The following ACBD5 variants were observed in gnomAD, a reference collection of about 807,000 sequenced individuals.
ACBD5 encodes acyl-CoA-binding domain-containing protein 5.
In ACBD5, 40 loss-of-function variants were observed where a neutral mutation model predicts 71.8. The ratio of observed to expected loss-of-function variants is 0.56; its 90% CI spans 0.43 to 0.72. The LOEUF (loss-of-function observed/expected upper bound fraction) is 0.72, where lower values mean the gene tolerates loss of function less well. ACBD5 is among the 30% of genes least tolerant of loss of function. The probability of loss-of-function intolerance (pLI) is 0.00; values close to 1 mark genes in which losing one functional copy is unlikely to be tolerated. For missense variants in ACBD5, 559 were observed against 644.5 expected, an observed-to-expected ratio of 0.87 and a Z score of 1.44; for synonymous variants, 229 against 218.6, an observed-to-expected ratio of 1.05 and a Z score of -0.42.
chr10:27,189,033 AG>A (rs2136326427), intron 13 of ACBD5, among the ~76,000 whole-genome samples: 1 of 152,344 alleles, frequency 6.6e-6, no homozygotes, highest in South Asian at 2.1e-4. Flanking sequence ...GCCCAAAGGC[AG>A]GATATAACTT....
chr10:27,191,466 A>C (rs548299572), downstream of ACBD5, among the ~76,000 whole-genome samples: 28 of 152,316 alleles, frequency 1.8e-4, no homozygotes, highest in Admixed American at 7.9e-4. Flanking sequence ...CAGATGAAAC[A>C]AATGTACCAC....
chr10:27,240,599 C>T lies in ACBD5; in HGVS notation c.15+75G>A. On this transcript the variant is annotated intron_variant, in intron 1 of 12. Transcript: ENST00000396271. The surrounding 1 kb of genome is among the most constrained non-coding windows in gnomAD (Gnocchi z 4.1). ...ATCCAGGCCACACAGATCGAAGCGG[C>T]CCGGCTCCTTCCTCCTCCCCCGGGG... The T allele has an allele frequency of 6.4e-7, 1 of 1,551,144 alleles. No homozygotes were observed. The highest frequency in any genetic ancestry group is 8.7e-7 in the Non-Finnish European group (1 of 1,146,948).
intron 3 of ACBD5, among the ~76,000 whole-genome samples, chr10:27,233,428 G>GAA (rs11308411): frequency 4.7e-5 from 6 of 128,956 alleles, no homozygotes; most frequent in Non-Finnish European, 6.5e-5. Context: ...TCCGTCTGAA[G>GAA]AAAAAAAAAA....
intron 3 of ACBD5, among the ~76,000 whole-genome samples, chr10:27,233,413 G>C (rs1383618462): frequency 7.2e-6 from 1 of 138,142 alleles, no homozygotes; most frequent in Admixed American, 7.5e-5. Flanking sequence ...GCGACAGAGT[G>C]AGACTCCGTC....
Position 27,186,596 on chromosome 10 carries a change from A to T in ACBD5, c.1494-3881T>A, listed in dbSNP as rs570139166. On this transcript the variant is annotated intron_variant, in intron 13 of 13. Coordinates refer to the ACBD5 transcript ENST00000676511. ...ATAGAATGAACTTGCATAATTATAT[A>T]CTCCTTAATACTAGATTGATCTAAG... 1.4e-4 allele frequency: 187 copies of T among 1,338,314 alleles called. 1 individual carries two copies. The African/African-American group carries it at 2.5e-3, about 18-fold the overall frequency. 82.9% of individuals were successfully genotyped at this position (1,338,314 alleles called of 1,614,324 possible). A position where few individuals can be genotyped will look rare whatever the true frequency, so the allele number is the denominator to read the frequency against.
chr10:27,208,174 G>T (rs2060668068), intron 10 of ACBD5, 72 bp downstream of exon 10: 9 of 1,418,762 alleles, frequency 6.3e-6, no homozygotes, highest in Non-Finnish European at 9.0e-6. Flanking sequence ...ATGTCAATAT[G>T]ATCAACGCAG....
rs1183219749 is a variant in ACBD5 at position 27,223,352 on chromosome 10, G to C, written c.476C>G (p.Ser159Cys). ...AATAGTCCAACCTGAGGTTATATCA[G>C]AACTCCTGCCACTCTTTTTGTCCTC... Reference protein sequence around the residue: ...IVEDKKSGRSSDITSDLGNVL... With the variant: ...IVEDKKSGRSCDITSDLGNVL... Residue 159 changes from serine (S) to cysteine (C), a missense_variant, in exon 5 of 13, where the codon TCT (serine) becomes TGT (cysteine). Transcript: ENST00000396271. 1 of 1,612,974 alleles carries C rather than the reference G, an allele frequency of 6.2e-7. No individual in the cohort carries two copies. The highest frequency in any genetic ancestry group is 8.5e-7 in the Non-Finnish European group (1 of 1,179,186).
intron 10 of ACBD5, among the ~76,000 whole-genome samples, chr10:27,206,080 T>C (rs1439047225): frequency 1.3e-5 from 2 of 151,872 alleles, no homozygotes; most frequent in East Asian, 3.9e-4. Flanking sequence ...TTTTATTTTA[T>C]TGGTAGACAC....
At chr10:27,228,815 A>ATATATATATATAT (rs1554856598) in intron 4 of ACBD5, among the ~76,000 whole-genome samples, 3 of 20,368 alleles carry the variant, frequency 1.5e-4, no homozygotes, top group Admixed American at 7.2e-4. Flanking sequence ...ATATATATAT[A>ATATATATATATAT]TTTTTTTTTT....
At chr10:27,228,813 A>ATT (rs2063453996) in intron 4 of ACBD5, among the ~76,000 whole-genome samples, 3 of 7,620 alleles carry the variant, frequency 3.9e-4, no homozygotes, top group African/African-American at 4.9e-4. Flanking sequence ...ATATATATAT[A>ATT]TATTTTTTTT....
At chr10:27,221,977 A>G (rs913157729) in intron 5 of ACBD5, among the ~76,000 whole-genome samples, 6 of 151,994 alleles carry the variant, frequency 3.9e-5, no homozygotes, top group African/African-American at 1.4e-4. Flanking sequence ...TCTGAATTGA[A>G]TAAGCATGCC....
At chr10:27,226,705 G>A (rs2063083071) in intron 4 of ACBD5, among the ~76,000 whole-genome samples, 1 of 151,330 alleles carries the variant, frequency 6.6e-6, no homozygotes, top group Admixed American at 6.6e-5. Context: ...AGGCTGGAGT[G>A]CAGTGGCATG....
At chr10:27,237,938 A>AT (rs2064957017) in intron 2 of ACBD5, among the ~76,000 whole-genome samples, 1 of 145,994 alleles carries the variant, frequency 6.8e-6, no homozygotes, top group Admixed American at 6.9e-5. Context: ...TTTTTTTTAA[A>AT]TTTAATTTAA....
At chr10:27,241,768 T>C (rs1050662507), upstream of ACBD5, among the ~76,000 whole-genome samples, 4 of 151,772 alleles carry the variant, frequency 2.6e-5, no homozygotes, top group Admixed American at 1.3e-4. Context: ...GCGGGGCCAA[T>C]GAGGAGTCTT....
intron 4 of ACBD5, among the ~76,000 whole-genome samples, chr10:27,229,531 C>G (rs2063583825): frequency 6.6e-6 from 1 of 151,862 alleles, no homozygotes; most frequent in Admixed American, 6.6e-5. Context: ...GACAACAGAA[C>G]CAGATCCTGT....
At chr10:27,205,019 C>T (rs939518100) in intron 11 of ACBD5, among the ~76,000 whole-genome samples, 179 bp downstream of exon 11, 2 of 151,814 alleles carry the variant, frequency 1.3e-5, no homozygotes, top group Non-Finnish European at 2.9e-5. Context: ...CCCAGCTACT[C>T]GGGAGGCTGA....
intron 13 of ACBD5, chr10:27,186,336 T>C (rs760617840): frequency 6.4e-7 from 1 of 1,552,948 alleles, no homozygotes; most frequent in Admixed American, 1.7e-5. Context: ...AGTACTTACT[T>C]AGGTAATGAT....
chr10:27,185,549 C>T (rs1370479144), intron 13 of ACBD5, among the ~76,000 whole-genome samples: 5 of 146,916 alleles, frequency 3.4e-5, no homozygotes, highest in African/African-American at 1.2e-4. Flanking sequence ...GGGAGAATCG[C>T]TTGAACCCGG....
intron 10 of ACBD5, among the ~76,000 whole-genome samples, chr10:27,205,905 C>T (rs1342224142): frequency 6.6e-6 from 1 of 151,924 alleles, no homozygotes; most frequent in Non-Finnish European, 1.5e-5. Context: ...ATCTTTTGAA[C>T]TTTATTTTAT....
Sources: allele counts gnomAD v4.1 joint callset (sites outside exome capture counted in the v4.1 genomes callset), GRCh38; gene constraint gnomAD v4.1.1; non-coding constraint Gnocchi (gnomAD v3.1); transcripts MANE v1.5; gene names NCBI Gene and HGNC (gene_info 2026-07-23, HGNC 2026-07-21).